The following DDR2 variants were observed in gnomAD, a reference collection of about 807,000 sequenced individuals.
DDR2 encodes discoidin domain-containing receptor 2.
A neutral mutation model predicts 94.9 loss-of-function variants in DDR2; 27 were observed. The observed-to-expected ratio is 0.28, with a 90% CI of 0.21 to 0.39. The LOEUF (loss-of-function observed/expected upper bound fraction) is 0.39, where lower values mean the gene tolerates loss of function less well. DDR2 is among the 10% of genes least tolerant of loss of function. The probability of loss-of-function intolerance (pLI) is 1.00; values close to 1 mark genes in which losing one functional copy is unlikely to be tolerated. For synonymous variants in DDR2, 382 were observed against 377.2 expected, an observed-to-expected ratio of 1.01 and a Z score of -0.15; for missense variants, 783 against 1,076.0, an observed-to-expected ratio of 0.73 and a Z score of 3.81.
At chr1:162,684,406 C>T (rs763222524) in intron 2 of DDR2, among the ~76,000 whole-genome samples, 18 of 152,190 alleles carry the variant, frequency 1.2e-4, no homozygotes, top group Middle Eastern at 6.8e-3. Context: ...GCCCTGACTC[C>T]GCAAACCTGA....
At chr1:162,758,289 A>G (rs1558069037) in intron 7 of DDR2, among the ~76,000 whole-genome samples, 1 of 152,218 alleles carries the variant, frequency 6.6e-6, no homozygotes, top group Non-Finnish European at 1.5e-5. Flanking sequence ...GAGAGATGAC[A>G]TCAGAGTCTC....
chr1:162,748,909 G>T (rs1443668075), intron 3 of DDR2, among the ~76,000 whole-genome samples: 1 of 152,008 alleles, frequency 6.6e-6, no homozygotes. Context: ...ATGACTACTG[G>T]GTACATAATG....
In DDR2 at chr1:162,785,240, A is replaced by T. The variant is rs1009498975; in HGVS notation, c.*4994A>T. Reference sequence around the variant, plus strand: ...TTCCTGCTGCTTCTACGTGAGTAGGATTAGCACTGGGGACAAAATAAGGAG... The same window carrying T: ...TTCCTGCTGCTTCTACGTGAGTAGGTTTAGCACTGGGGACAAAATAAGGAG... On this transcript the variant is annotated 3_prime_UTR_variant, in exon 18 of 18. Transcript: ENST00000367921. 10 of 152,150 alleles carry T rather than the reference A, an allele frequency of 6.6e-5. No homozygotes were observed. Among genetic ancestry groups the T allele is most frequent in the Non-Finnish European group, 1.3e-4 (9 of 68,004 alleles). The allele number at this position is 152,150 out of a possible 1,614,324, so 9.4% of individuals were successfully genotyped here.
At chr1:162,759,666 A>G (rs1030176795) in intron 7 of DDR2, 130 bp from the exon 8 acceptor site, 2 of 1,037,590 alleles carry the variant, frequency 1.9e-6, no homozygotes, top group South Asian at 1.4e-5. Flanking sequence ...ATTATTTACA[A>G]TCCTTCAATT....
upstream of DDR2, among the ~76,000 whole-genome samples, chr1:162,631,632 A>C (rs1280853641): frequency 6.6e-6 from 1 of 152,054 alleles, no homozygotes; most frequent in African/African-American, 2.4e-5. Flanking sequence ...GCCTGGATGG[A>C]TGGAGAGGGT....
intron 1 of DDR2, among the ~76,000 whole-genome samples, chr1:162,653,441 G>T (rs6694523): frequency 0.92 from 139,116 of 152,036 alleles, 64,231 homozygotes; most frequent in Middle Eastern, 0.98. Context: ...GCCAGGCATG[G>T]TGGCGAGTGC....
chr1:162,736,852 G>A (rs1278167766), intron 3 of DDR2, among the ~76,000 whole-genome samples: 6 of 152,298 alleles, frequency 3.9e-5, no homozygotes, highest in Admixed American at 1.3e-4. Context: ...GAAAATTCCT[G>A]AAGGAGAAGT....
At chr1:162,670,507 C>T (rs1056723229) in intron 2 of DDR2, among the ~76,000 whole-genome samples, 5 of 152,148 alleles carry the variant, frequency 3.3e-5, no homozygotes, top group Admixed American at 6.5e-5. Flanking sequence ...GGATTCTAAT[C>T]GGTCTACAGA....
chr1:162,675,167 A>G (rs1659069256), intron 2 of DDR2, among the ~76,000 whole-genome samples: 1 of 152,118 alleles, frequency 6.6e-6, no homozygotes, highest in South Asian at 2.1e-4. Context: ...CAAAAAAAAA[A>G]AGTAGAGGAG....
chr1:162,780,092 C>T lies in DDR2; in HGVS notation c.2434-20C>T. 1 of 1,613,506 alleles carries T rather than the reference C, an allele frequency of 6.2e-7. No individual in the cohort carries two copies. The highest frequency in any genetic ancestry group is 8.5e-7 in the Non-Finnish European group (1 of 1,179,756). ...CTCTCTCTCTCTCTCTTTTGTTTTC[C>T]TTTATTTTTGTTCCCAAAGACTTAC... On this transcript the variant is annotated intron_variant, in intron 17 of 17. Coordinates refer to ENST00000367921, the MANE Select transcript of DDR2 (RefSeq NM_006182.4).
chr1:162,730,637 G>A (rs187683468), intron 3 of DDR2, among the ~76,000 whole-genome samples: 1 of 152,312 alleles, frequency 6.6e-6, no homozygotes, highest in African/African-American at 2.4e-5. Context: ...GCAGAGCAGA[G>A]TGTCTTCATT....
intron 10 of DDR2, 41 bp downstream of exon 10, chr1:162,766,104 C>T (rs779204691): frequency 6.2e-7 from 1 of 1,602,968 alleles, no homozygotes; most frequent in Non-Finnish European, 8.5e-7. Flanking sequence ...TTTGAAGGGA[C>T]TTACTGGGGG....
intron 2 of DDR2, among the ~76,000 whole-genome samples, chr1:162,687,215 T>G (rs972179483): frequency 6.6e-6 from 1 of 152,196 alleles, no homozygotes; most frequent in Admixed American, 6.5e-5. Context: ...CTGGATGTGG[T>G]AGAAGAAAGA....
intron 9 of DDR2, 144 bp from the exon 10 acceptor site, chr1:162,765,857 C>A: frequency 1.3e-6 from 1 of 775,226 alleles, no homozygotes; most frequent in Non-Finnish European, 2.2e-6. Context: ...TTTTATTCAA[C>A]GTATTTATGA....
chr1:162,745,228 G>T (rs981578849), intron 3 of DDR2, among the ~76,000 whole-genome samples: 1 of 151,964 alleles, frequency 6.6e-6, no homozygotes, highest in Middle Eastern at 3.2e-3. Flanking sequence ...ATATATCTTG[G>T]ATATTAACCT....
rs770407572 is a variant in DDR2 at position 162,755,601 on chromosome 1, C to T, written c.566-63C>T. 1.7e-4 allele frequency: 243 copies of T among 1,468,284 alleles called. 2 individuals carry two copies. The highest frequency in any genetic ancestry group is 6.4e-4 in the South Asian group (56 of 88,032). The allele number at this position is 1,468,284 out of a possible 1,614,324, so 91.0% of individuals were successfully genotyped here. ...TGCAAGCTTATACCCTTGAAACTCA[C>T]ATAGTTCCCTGAGGTAATGGGCCTG... On this transcript the variant is annotated intron_variant, in intron 6 of 17. Transcript: ENST00000367921.
rs72707685 is a variant in DDR2 at position 162,645,867 on chromosome 1, C to A, written c.-191-9344C>A. On this transcript the variant is annotated intron_variant, in intron 1 of 17. Transcript: ENST00000367921. ...AATTGGTACTAAATGGATATCTAAT[C>A]CATTTACTAACAGAATCAGGGACAG... Among the ~76,000 whole-genome samples, 9 of 152,172 alleles carry A rather than the reference C, an allele frequency of 5.9e-5. No individual in the cohort carries two copies. In the South Asian group the frequency reaches 1.9e-3, roughly 32 times the overall value.
chr1:162,727,281 AAT>A (rs1219767029), intron 3 of DDR2, among the ~76,000 whole-genome samples: 3 of 138,730 alleles, frequency 2.2e-5, no homozygotes, highest in South Asian at 4.4e-4. Flanking sequence ...TATAAATATA[AAT>A]ATATATATAA....
At chr1:162,728,486 G>T (rs1661833691) in intron 3 of DDR2, among the ~76,000 whole-genome samples, 1 of 151,914 alleles carries the variant, frequency 6.6e-6, no homozygotes. Context: ...GCAAAGGTGG[G>T]GTTAGGATGG....
Sources: allele counts gnomAD v4.1 joint callset (sites outside exome capture counted in the v4.1 genomes callset), GRCh38; gene constraint gnomAD v4.1.1; transcripts MANE v1.5; gene names NCBI Gene and HGNC (gene_info 2026-07-23, HGNC 2026-07-21).